Variants in AXIN2 observed in about 807,000 individuals in gnomAD.
The protein encoded by AXIN2 is axin-2.
In AXIN2, 21 loss-of-function variants were observed where a neutral mutation model predicts 74.7. The ratio of observed to expected loss-of-function variants is 0.28; its 90% CI spans 0.20 to 0.40. The LOEUF (loss-of-function observed/expected upper bound fraction) is 0.40. Ranked by LOEUF, AXIN2 falls within the 10% of genes least tolerant of loss-of-function variation. The pLI, the probability that AXIN2 is intolerant of heterozygous loss-of-function variation, is 1.00. For missense variants in AXIN2, 1,144 were observed against 1,111.1 expected, an observed-to-expected ratio of 1.03 and a Z score of -0.42; for synonymous variants, 532 against 454.9, an observed-to-expected ratio of 1.17 and a Z score of -2.16.
intron 10 of AXIN2, among the ~76,000 whole-genome samples, chr17:65,530,544 CT>C (rs2043799274): frequency 6.6e-6 from 1 of 152,232 alleles, no homozygotes; most frequent in Non-Finnish European, 1.5e-5. Context: ...TTCAGCCATC[CT>C]GAACCCATCA....
At chr17:65,560,540 C>T (rs1409301838) in intron 1 of AXIN2, 2 of 152,288 alleles carry the variant, frequency 1.3e-5, no homozygotes, top group East Asian at 1.9e-4. Context: ...CGACGCGACC[C>T]CCGGGGGGTA....
rs149089442 is a variant in AXIN2, at chr17:65,538,384, A to G, written c.1060-41T>C. On this transcript the variant is annotated intron_variant, in intron 4 of 10. Transcript: ENST00000307078. The stretch of plus-strand genomic sequence containing the variant: ...AGGAAAGGGAGGAGGCACGTTCAGC[A>G]GGCTAGGTGGGCGGTGGCTTGGCCG... The G allele has an allele frequency of 5.6e-3, 9,061 of 1,611,606 alleles. 83 individuals are homozygous for G. In the Middle Eastern group the frequency reaches 0.056, roughly 10 times the overall value.
chr17:65,546,426 C>T (rs1446237113), intron 3 of AXIN2, among the ~76,000 whole-genome samples: 2 of 152,206 alleles, frequency 1.3e-5, no homozygotes, highest in Non-Finnish European at 2.9e-5. Flanking sequence ...GGATCACACA[C>T]ACCCAGGGCC....
intron 3 of AXIN2, among the ~76,000 whole-genome samples, chr17:65,544,728 C>T (rs976763419): frequency 6.6e-6 from 1 of 152,164 alleles, no homozygotes; most frequent in Non-Finnish European, 1.5e-5. Flanking sequence ...AGCCTGCTGC[C>T]GGGCCCAGCT....
chr17:65,541,465 G>A lies in AXIN2; in HGVS notation c.1049C>T (p.Pro350Leu), dbSNP rs1434576661. Reference protein sequence around the residue: ...SVKANGQVSLPHFPRTHRLPK... With the variant: ...SVKANGQVSLLHFPRTHRLPK... Reference sequence around the variant, plus strand: ...CCAGACTGTACTCACCGGGAAATGAGGTAGAGACACTTGGCCATTGGCCTT... The same window carrying A: ...CCAGACTGTACTCACCGGGAAATGAAGTAGAGACACTTGGCCATTGGCCTT... The change falls in exon 4 of 11, where the codon CCT becomes CTT. Residue 350 changes from proline (P) to leucine (L), a missense_variant. By Grantham distance (98) the Pro-to-Leu change is moderately conservative. Transcript: ENST00000307078. 26 of 1,613,860 alleles carry A rather than the reference G, an allele frequency of 1.6e-5. No individual in the cohort carries two copies. The highest frequency in any genetic ancestry group is 2.2e-5 in the Non-Finnish European group (26 of 1,179,728).
intron 9 of AXIN2, among the ~76,000 whole-genome samples, chr17:65,534,623 A>G (rs1199582139): frequency 2.6e-5 from 4 of 151,792 alleles, no homozygotes; most frequent in African/African-American, 9.7e-5. Context: ...GATTTTGTAG[A>G]ATGGCTTGAA....
chr17:65,544,459 A>C (rs565588254), intron 3 of AXIN2, among the ~76,000 whole-genome samples: 77 of 148,146 alleles, frequency 5.2e-4, no homozygotes, highest in African/African-American at 1.8e-3. Flanking sequence ...ACTTGTAACC[A>C]GAGCAGAAAA....
chr17:65,543,170 A>G (rs1244527427), intron 3 of AXIN2, among the ~76,000 whole-genome samples: 3 of 152,158 alleles, frequency 2.0e-5, no homozygotes, highest in Non-Finnish European at 4.4e-5. Flanking sequence ...CAGAGCAACA[A>G]CTTACCCCCA....
At chr17:65,559,147 G>A (rs908592228) in intron 1 of AXIN2, among the ~76,000 whole-genome samples, 5 of 151,838 alleles carry the variant, frequency 3.3e-5, no homozygotes, top group Non-Finnish European at 7.4e-5. Flanking sequence ...ACTCCAAAAA[G>A]GCGCACTCCC....
intron 10 of AXIN2, among the ~76,000 whole-genome samples, chr17:65,531,465 C>T (rs551370307): frequency 6.6e-6 from 1 of 151,806 alleles, no homozygotes; most frequent in South Asian, 2.1e-4. Flanking sequence ...TGGGGAGGGG[C>T]TCTGTGCACA....
chr17:65,537,038 T>C lies in AXIN2; in HGVS notation c.1738A>G (p.Lys580Glu), dbSNP rs79024445. 6.2e-7 allele frequency: 1 copy of C among 1,608,250 alleles called. No homozygotes were observed. The highest frequency in any genetic ancestry group is 1.3e-5 in the African/African-American group (1 of 74,916). The change falls in exon 7 of 11, where the codon AAA (lysine) becomes GAA (glutamate). Residue 580 changes from lysine to glutamate, a missense_variant. Transcript: ENST00000307078. ...FGGSRGSTLPKRNGKGTEPGL... is the reference protein window; with the variant it reads ...FGGSRGSTLPERNGKGTEPGL... ...GGCTCCGTGCCTTTCCCATTGCGTT[T>C]GGGCAAGGTACTGCCTCTGCTGCCG...
chr17:65,557,171 T>C (rs1335196324), intron 2 of AXIN2, among the ~76,000 whole-genome samples: 1 of 152,184 alleles, frequency 6.6e-6, no homozygotes, highest in African/African-American at 2.4e-5. Context: ...TGGATTAATA[T>C]GCCAGCAAGC....
chr17:65,536,608 A>G (rs2043924798), intron 7 of AXIN2, 55 bp from the exon 8 acceptor site: 1 of 1,590,592 alleles, frequency 6.3e-7, no homozygotes, highest in Admixed American at 1.7e-5. Flanking sequence ...GGTTAGAAGA[A>G]CTGGAAAATG....
rs552141978 is a variant in AXIN2 at position 65,537,743 on chromosome 17, G to A, written c.1293C>T (p.Tyr431=). Reference sequence around the variant, plus strand: ...CCAGTATCGTCTGCGGGTCTTCCTCGTAGCTGCCGGAGGGCAGTAGGGAGA... The same window carrying A: ...CCAGTATCGTCTGCGGGTCTTCCTCATAGCTGCCGGAGGGCAGTAGGGAGA... ...HPLSLLPSGS[Y]EEDPQTILDD... Residue 431 remains tyrosine (Y), a synonymous_variant, in exon 6 of 11, where the codon TAC becomes TAT. Transcript: ENST00000307078. The A allele has an allele frequency of 3.5e-5, 55 of 1,570,386 alleles. No individual in the cohort carries two copies. In the South Asian group the frequency reaches 4.5e-4, roughly 13 times the overall value.
intron 1 of AXIN2, 126 bp from the exon 2 acceptor site, chr17:65,558,862 G>C (rs1470539195): frequency 1.8e-6 from 1 of 542,102 alleles, no homozygotes; most frequent in East Asian, 3.1e-5. Flanking sequence ...TTCAAATCAA[G>C]CAACCCAGCT....
In AXIN2 at chr17:65,537,388, A is replaced by C. The variant is rs571713474; in HGVS notation, c.1648T>G (p.Tyr550Asp). ...TGGCTTTTGCATTTCGAGTAGCAGT[A>C]ATACTCGCTGCCCCCAGGGCAGAAG... ...HCFCPGGSEY[Y>D]CYSKCKSHSK... The change falls in exon 6 of 11, where the codon TAC becomes GAC. Residue 550 changes from tyrosine to aspartate, a missense_variant. Transcript: ENST00000307078. The C allele has an allele frequency of 5.6e-6, 9 of 1,614,006 alleles. No individual in the cohort carries two copies. In the East Asian group the frequency reaches 1.8e-4, roughly 32 times the overall value.
chr17:65,549,341 A>G (rs2044158854), intron 3 of AXIN2, among the ~76,000 whole-genome samples, 179 bp downstream of exon 3: 1 of 152,128 alleles, frequency 6.6e-6, no homozygotes, highest in Non-Finnish European at 1.5e-5. Context: ...CCAGATGACC[A>G]TGTCATCCTC....
Position 65,528,568 on chromosome 17 carries a change from A to C in AXIN2, c.*1408T>G. ...ATTCAAAGACGAGGCCAGTGTTTTGAAAAATATAAAATTTTAATAAAGGCT... is the reference window on the plus strand; with the variant it reads ...ATTCAAAGACGAGGCCAGTGTTTTGCAAAATATAAAATTTTAATAAAGGCT... On this transcript the variant is annotated 3_prime_UTR_variant, in exon 11 of 11. Coordinates refer to ENST00000307078, the MANE Select transcript of AXIN2 (RefSeq NM_004655.4). 2.2e-6 allele frequency: 1 copy of C among 460,314 alleles called. No individual in the cohort carries two copies. Among genetic ancestry groups the C allele is most frequent in the Non-Finnish European group, 4.1e-6 (1 of 245,176 alleles). The allele number at this position is 460,314 out of a possible 1,614,324, so 28.5% of individuals were successfully genotyped here. A position where few individuals can be genotyped will look rare whatever the true frequency, so the allele number is the denominator to read the frequency against.
intron 3 of AXIN2, among the ~76,000 whole-genome samples, chr17:65,546,273 G>C (rs977820291): frequency 6.6e-6 from 1 of 152,148 alleles, no homozygotes. Flanking sequence ...GGCTGAAAGC[G>C]ATTCAGTTCA....
Sources: allele counts gnomAD v4.1 joint callset (sites outside exome capture counted in the v4.1 genomes callset), GRCh38; gene constraint gnomAD v4.1.1; transcripts MANE v1.5; gene names NCBI Gene and HGNC (gene_info 2026-07-23, HGNC 2026-07-21).